The following IGSF9B variants were observed in gnomAD, a reference collection of about 807,000 sequenced individuals.
IGSF9B encodes the protein protein turtle homolog B.
A neutral mutation model predicts 143.7 loss-of-function variants in IGSF9B; 48 were observed. That is an observed-to-expected ratio of 0.33 (90% confidence interval 0.26 to 0.42). The LOEUF is 0.42. IGSF9B is among the 20% of genes least tolerant of loss of function. IGSF9B has a pLI of 1.00. For missense variants in IGSF9B, 1,706 were observed against 1,980.0 expected, an observed-to-expected ratio of 0.86 and a Z score of 2.63; for synonymous variants, 903 against 833.1, an observed-to-expected ratio of 1.08 and a Z score of -1.44.
In IGSF9B at chr11:133,920,498, A is replaced by G; in HGVS notation, c.3227T>C (p.Leu1076Pro). Residue 1076 changes from leucine (L) to proline (P), a missense_variant, in exon 18 of 20, where the codon CTC becomes CCC. Physicochemically the swap from Leu to Pro is moderately conservative, Grantham distance 98 (BLOSUM62 -3). Coordinates refer to ENST00000533871, the MANE Select transcript of IGSF9B (RefSeq NM_001277285.4). ...GGAGGTGGGGGGCAGTCCTCGGGGG[A>G]GGCCGGCCTTGGGCTGCAGACTCTC... is the stretch of plus-strand genomic sequence containing the variant. ...VPESLQPKAG[L>P]PRGLPPTSLQ... 1 of 1,582,994 alleles carries G rather than the reference A, an allele frequency of 6.3e-7. No homozygotes were observed. Among genetic ancestry groups the G allele is most frequent in the Non-Finnish European group, 8.6e-7 (1 of 1,163,708 alleles).
rs1490556827 is a variant in IGSF9B at position 133,948,333 on chromosome 11, C to T, written c.65-2075G>A. ...ACATCACAGTTTTCTAGAGAAAGAG[C>T]TAAGATCACAGAGTATTTTTGGAGC... On this transcript the variant is annotated intron_variant, in intron 1 of 19. Coordinates refer to ENST00000533871, the MANE Select transcript of IGSF9B (RefSeq NM_001277285.4). The surrounding 1 kb of genome is among the most constrained non-coding windows in gnomAD (Gnocchi z 4.7). Among the ~76,000 whole-genome samples the T allele has an allele frequency of 6.6e-6, 1 of 152,108 alleles. No individual in the cohort carries two copies. Among genetic ancestry groups the T allele is most frequent in the Non-Finnish European group, 1.5e-5 (1 of 68,036 alleles).
In IGSF9B at chr11:133,927,346, AG is replaced by A. The variant is rs1327404452; in HGVS notation, c.1632-256del. The stretch of plus-strand genomic sequence containing the variant: ...GGGCCTTTAGGTGCAAGTCGTGCTC[AG>A]GACACTGGTCAGATGGATTACCAGC... On this transcript the variant is annotated intron_variant, in intron 12 of 19. Transcript: ENST00000533871. Among the ~76,000 whole-genome samples, 4 of 152,372 alleles carry A rather than the reference AG, an allele frequency of 2.6e-5. No individual in the cohort carries two copies. In the East Asian group the frequency reaches 7.7e-4, roughly 29 times the overall value.
chr11:133,918,829 G>A (rs1483183178), intron 18 of IGSF9B, among the ~76,000 whole-genome samples: 1 of 67,888 alleles, frequency 1.5e-5, no homozygotes, highest in African/African-American at 3.1e-5. Flanking sequence ...AGAAGAGGGC[G>A]GGGGACGGGG....
chr11:133,920,485 C>A lies in IGSF9B; in HGVS notation c.3240G>T (p.Leu1080=). 1 of 1,575,444 alleles carries A rather than the reference C, an allele frequency of 6.3e-7. No individual in the cohort carries two copies. The highest frequency in any genetic ancestry group is 1.2e-5 in the South Asian group (1 of 85,220). The change falls in exon 18 of 20, where the codon CTG becomes CTT. Residue 1080 remains leucine, a synonymous_variant. Transcript: ENST00000533871. ...CGGGCACCTGCAGGGAGGTGGGGGG[C>A]AGTCCTCGGGGGAGGCCGGCCTTGG... ...LQPKAGLPRG[L]PPTSLQVPAA... is the part of the protein sequence containing the mutation.
chr11:133,952,267 A>C (rs1241338030), intron 1 of IGSF9B: 1 of 339,340 alleles, frequency 2.9e-6, no homozygotes, highest in Non-Finnish European at 5.9e-6. Context: ...TAAGCTGCCT[A>C]TCCAACCCCA....
In IGSF9B at chr11:133,901,907, C is replaced by A. The variant is rs1404931278; in HGVS notation, c.*7162G>T. On this transcript the variant is annotated 3_prime_UTR_variant, in exon 20 of 20. Coordinates refer to ENST00000533871, the MANE Select transcript of IGSF9B (RefSeq NM_001277285.4). The stretch of plus-strand genomic sequence containing the variant: ...ACACACACAACACACACACAACACA[C>A]CACACACAACACACACCAAACCACA... 4.8e-5 allele frequency among the ~76,000 whole-genome samples: 7 copies of A among 144,910 alleles called. No individual in the cohort carries two copies. The highest frequency in any genetic ancestry group is 3.5e-4 in the Admixed American group (5 of 14,370).
chr11:133,940,175 ACG>A (rs1939910373), intron 3 of IGSF9B, among the ~76,000 whole-genome samples: 2 of 129,372 alleles, frequency 1.5e-5, no homozygotes, highest in South Asian at 5.3e-4. Flanking sequence ...ACGTCCTCGC[ACG>A]CGTCATCGCA....
chr11:133,912,131 G>T, intron 18 of IGSF9B, 124 bp from the exon 19 acceptor site: 1 of 1,171,030 alleles, frequency 8.5e-7, no homozygotes, highest in Non-Finnish European at 1.2e-6. Context: ...CAGAGCCCAA[G>T]GTGCCCACGA....
chr11:133,912,407 G>A, intron 18 of IGSF9B: 3 of 459,094 alleles, frequency 6.5e-6, no homozygotes, highest in Admixed American at 4.7e-5. Context: ...AAAGTAAAAG[G>A]GCATATTAGA....
At chr11:133,934,564 A>C (rs1474602508) in intron 7 of IGSF9B, among the ~76,000 whole-genome samples, 1 of 152,250 alleles carries the variant, frequency 6.6e-6, no homozygotes, top group African/African-American at 2.4e-5. Flanking sequence ...GGCTGACGGC[A>C]GACGCAGAGA....
In IGSF9B at chr11:133,920,268, CCGGCTCGGG is replaced by C; in HGVS notation, c.3448_3456del (p.Pro1150_Pro1152del). 6.6e-7 allele frequency: 1 copy of C among 1,519,792 alleles called. No individual in the cohort carries two copies. The highest frequency in any genetic ancestry group is 8.8e-7 in the Non-Finnish European group (1 of 1,133,744). 94.1% of individuals were successfully genotyped at this position (1,519,792 alleles called of 1,614,324 possible). On this transcript the variant is annotated inframe_deletion, in exon 18 of 20. Coordinates refer to ENST00000533871, the MANE Select transcript of IGSF9B (RefSeq NM_001277285.4). The stretch of plus-strand genomic sequence containing the variant: ...GGGCCGCCGTGCGCCCCCGGCTCAG[CCGGCTCGGG>C]GTAAGGCAGCACAGGTATGCCCATG...
intron 15 of IGSF9B, 62 bp downstream of exon 15, chr11:133,924,758 C>T: frequency 7.4e-7 from 1 of 1,343,064 alleles, no homozygotes; most frequent in South Asian, 1.2e-5. Context: ...CACAAAATGA[C>T]CCCCATGCAG....
chr11:133,919,132 G>GGT, intron 18 of IGSF9B: 2 of 377,744 alleles, frequency 5.3e-6, no homozygotes, highest in South Asian at 1.8e-5. Context: ...GGGGGGGTGG[G>GGT]GGACGTGTCC....
intron 3 of IGSF9B, among the ~76,000 whole-genome samples, chr11:133,940,227 C>T (rs547964747): frequency 7.2e-5 from 10 of 139,124 alleles, no homozygotes; most frequent in Admixed American, 2.9e-4. Flanking sequence ...CACGCGTCAT[C>T]GCACGCAAAA....
chr11:133,931,359 C>A lies in IGSF9B; in HGVS notation c.1368+94G>T. 1.1e-6 allele frequency: 1 copy of A among 950,992 alleles called. No homozygotes were observed. The highest frequency in any genetic ancestry group is 1.6e-6 in the Non-Finnish European group (1 of 622,188). The allele number at this position is 950,992 out of a possible 1,614,324, so 58.9% of individuals were successfully genotyped here. On this transcript the variant is annotated intron_variant, in intron 10 of 19. Coordinates refer to ENST00000533871, the MANE Select transcript of IGSF9B (RefSeq NM_001277285.4). This position sits in a 1 kb window ranked among gnomAD's most constrained non-coding sequence, Gnocchi z 7.7. ...GGGCCCTCACACCTCCCCTCAGCCC[C>A]GGGGCTCGCTGGGCCCTCAAACCTC... is the stretch of plus-strand genomic sequence containing the variant.
At position 133,904,160 on chromosome 11, in the gene IGSF9B, G is replaced by C. The variant is rs1216010308; in HGVS notation, c.*4909C>G. Among the ~76,000 whole-genome samples the C allele has an allele frequency of 1.3e-5, 2 of 152,128 alleles. No individual in the cohort carries two copies. The highest frequency in any genetic ancestry group is 1.3e-4 in the Admixed American group (2 of 15,280). On this transcript the variant is annotated 3_prime_UTR_variant, in exon 20 of 20. Transcript: ENST00000533871. The stretch of plus-strand genomic sequence containing the variant: ...CCTCTCTACCTCAAGAGGAAAGGGG[G>C]ATGAAGGCACGTCAGGCTCCAGCTC...
In IGSF9B at chr11:133,925,795, G is replaced by A. The variant is rs748173547; in HGVS notation, c.1978C>T (p.Leu660Phe). 1 of 1,613,804 alleles carries A rather than the reference G, an allele frequency of 6.2e-7. No homozygotes were observed. The highest frequency in any genetic ancestry group is 2.2e-5 in the East Asian group (1 of 44,896). The stretch of plus-strand genomic sequence containing the variant: ...TCGGTGCCGGGGATGCCATCGTCGA[G>A]CAACTCCCAGCGCTCTGCGACACGG... Reference protein sequence around the residue: ...EFRVAERWELLDDGIPGTEGE... With the variant: ...EFRVAERWELFDDGIPGTEGE... Residue 660 changes from leucine (L) to phenylalanine (F), a missense_variant, in exon 14 of 20, where the codon CTC becomes TTC. Leu to Phe is a conservative substitution (Grantham distance 22, BLOSUM62 0). This residue lies in a region of IGSF9B where 267 missense variants were observed against 321.1 expected (regional missense o/e 0.83). Coordinates refer to ENST00000533871, the MANE Select transcript of IGSF9B (RefSeq NM_001277285.4).
rs916645212 is a variant in IGSF9B, at chr11:133,907,430, G to C, written c.*1639C>G. 2.0e-5 allele frequency among the ~76,000 whole-genome samples: 3 copies of C among 152,184 alleles called. No homozygotes were observed. The highest frequency in any genetic ancestry group is 4.4e-5 in the Non-Finnish European group (3 of 68,036). On this transcript the variant is annotated 3_prime_UTR_variant, in exon 20 of 20. Transcript: ENST00000533871. ...CGTCCAAGCAGGGAACTCGGGAGAG[G>C]TGGGTGCCCCCAAACCCACCAAGAC...
intron 11 of IGSF9B, 106 bp downstream of exon 11, chr11:133,930,878 C>A (rs12796441): frequency 0.35 from 415,695 of 1,171,772 alleles, 77,568 homozygotes; most frequent in African/African-American, 0.44. Context: ...GGAAGGGAGC[C>A]CGCAGAGTGC....
Sources: gnomAD v4.1 joint callset for allele counts (sites outside exome capture counted in the v4.1 genomes callset) on GRCh38, gnomAD v4.1.1 for gene constraint, gnomAD v4.1.1 regional missense constraint, Gnocchi (gnomAD v3.1) non-coding constraint, MANE v1.5 for transcripts, NCBI Gene and HGNC (gene_info 2026-07-23, HGNC 2026-07-21) for gene names.